Variants in AKAP13 observed in about 807,000 individuals in gnomAD.
AKAP13 encodes A-kinase anchoring protein 13.
A neutral mutation model predicts 264.5 loss-of-function variants in AKAP13; 80 were observed. The observed-to-expected ratio is 0.30, with a 90% CI of 0.25 to 0.36. AKAP13 has a LOEUF of 0.36. AKAP13 is among the 10% of genes least tolerant of loss of function. AKAP13 has a pLI of 1.00. For missense variants in AKAP13, 3,712 were observed against 3,435.2 expected (o/e 1.08, Z -2.01); for synonymous variants, 1,380 against 1,250.2 (o/e 1.10, Z -2.19).
chr15:85,744,539 C>T (rs2089308770), intron 36 of AKAP13, 89 bp from the exon 37 acceptor site: 1 of 1,391,868 alleles, frequency 7.2e-7, no homozygotes, highest in African/African-American at 1.4e-5. Context: ...CGCCTGTTTG[C>T]ATTACAGAAG....
At chr15:85,606,577 A>T (rs1340258426) in intron 8 of AKAP13, among the ~76,000 whole-genome samples, 1 of 152,206 alleles carries the variant, frequency 6.6e-6, no homozygotes, top group East Asian at 1.9e-4. Flanking sequence ...TAATTGATGG[A>T]TGAGTGCTAA....
chr15:85,583,098 A>G (rs1024818423), intron 7 of AKAP13: 13 of 985,474 alleles, frequency 1.3e-5, no homozygotes, highest in Admixed American at 6.1e-5. Context: ...GCACACTTCT[A>G]TACCACCACC....
intron 1 of AKAP13, among the ~76,000 whole-genome samples, chr15:85,480,489 AGACAAGTTAAGT>A (rs2075315313): frequency 6.6e-6 from 1 of 152,186 alleles, no homozygotes; most frequent in South Asian, 2.1e-4. Flanking sequence ...ATGAAGATTC[AGACAAGTTAAGT>A]GACTTGCTCA....
At chr15:85,442,468 A>G (rs1428013092) in intron 1 of AKAP13, among the ~76,000 whole-genome samples, 1 of 127,222 alleles carries the variant, frequency 7.9e-6, no homozygotes, top group Admixed American at 8.7e-5. Flanking sequence ...AATATACATA[A>G]TATATATTAT....
At chr15:85,638,132 C>T (rs2082149109) in intron 8 of AKAP13, among the ~76,000 whole-genome samples, 1 of 152,062 alleles carries the variant, frequency 6.6e-6, no homozygotes, top group Non-Finnish European at 1.5e-5. Context: ...GATCCGCCCG[C>T]CTCAGCCTCC....
At chr15:85,469,529 A>G (rs1409810695) in intron 1 of AKAP13, among the ~76,000 whole-genome samples, 1 of 152,220 alleles carries the variant, frequency 6.6e-6, no homozygotes, top group Non-Finnish European at 1.5e-5. Flanking sequence ...GCTCATCTGG[A>G]GTCATCATTT....
chr15:85,620,306 G>A, intron 8 of AKAP13: 1 of 786,602 alleles, frequency 1.3e-6, no homozygotes. Flanking sequence ...AGGATGAGGG[G>A]TGAATGTAAG....
intron 1 of AKAP13, among the ~76,000 whole-genome samples, chr15:85,391,350 A>G (rs998911931): frequency 1.3e-5 from 2 of 152,228 alleles, no homozygotes; most frequent in African/African-American, 4.8e-5. Context: ...ATGTGATGCT[A>G]GTGTATTATT....
At chr15:85,547,543 G>T (rs2077797782) in intron 5 of AKAP13, among the ~76,000 whole-genome samples, 1 of 134,370 alleles carries the variant, frequency 7.4e-6, no homozygotes. Flanking sequence ...AACTACTCAG[G>T]ACATTTTTTT....
intron 3 of AKAP13, among the ~76,000 whole-genome samples, chr15:85,531,353 A>T (rs926463644): frequency 2.0e-5 from 3 of 152,338 alleles, no homozygotes; most frequent in African/African-American, 7.2e-5. Context: ...TATGAACCGT[A>T]AATCTCTGGG....
In AKAP13 at chr15:85,533,834, G is replaced by T; in HGVS notation, c.432G>T (p.Lys144Asn). Residue 144 changes from lysine to asparagine, a missense_variant, in exon 4 of 37, where the codon AAG becomes AAT. By Grantham distance (94) the Lys-to-Asn change is moderately conservative. Transcript: ENST00000394518. ...TGGTGCTGGCATTCAGGCACCTGAA[G>T]CTGCCCACGGAGTGGAATGTATTGG... ...KKLVLAFRHL[K>N]LPTEWNVLGT... 4 of 1,613,208 alleles carry T rather than the reference G, an allele frequency of 2.5e-6. No individual in the cohort carries two copies. Among genetic ancestry groups the T allele is most frequent in the Non-Finnish European group, 3.4e-6 (4 of 1,179,506 alleles).
At chr15:85,415,731 C>G (rs1407840270) in intron 1 of AKAP13, 1 of 577,836 alleles carries the variant, frequency 1.7e-6, no homozygotes, top group African/African-American at 2.2e-5. Flanking sequence ...TTTTTTTTTT[C>G]ATTACTGTGT....
rs532255546 is a variant in AKAP13 at position 85,607,474 on chromosome 15, C to T, written c.4161+21651C>T. Among the ~76,000 whole-genome samples the T allele has an allele frequency of 1.1e-4, 16 of 151,710 alleles. No homozygotes were observed. In the South Asian group the frequency reaches 2.5e-3, roughly 24 times the overall value. On this transcript the variant is annotated intron_variant, in intron 8 of 36. Coordinates refer to ENST00000394518, the MANE Select transcript of AKAP13 (RefSeq NM_007200.5). ...TTATTGCTCACACCTTTTTTTTTAA[C>T]CATTTGCCTTTATTTTTATCCCCAT...
chr15:85,593,859 G>A (rs925735829), intron 8 of AKAP13, among the ~76,000 whole-genome samples: 1 of 152,082 alleles, frequency 6.6e-6, no homozygotes, highest in African/African-American at 2.4e-5. Context: ...GAAAGATTAT[G>A]GAGCCCAGTG....
intron 14 of AKAP13, among the ~76,000 whole-genome samples, chr15:85,670,487 A>G (rs924880423): frequency 1.3e-5 from 2 of 150,312 alleles, no homozygotes; most frequent in East Asian, 3.9e-4. Context: ...TATCCAAATC[A>G]GGAAATTAAT....
chr15:85,739,771 C>CT lies in AKAP13; in HGVS notation c.7558-444dup, dbSNP rs1268576486. Among the ~76,000 whole-genome samples the CT allele has an allele frequency of 3.3e-5, 5 of 151,970 alleles. No homozygotes were observed. The East Asian group carries it at 9.7e-4, about 29-fold the overall frequency. On this transcript the variant is annotated intron_variant, in intron 33 of 36. Transcript: ENST00000394518. ...CTTTAACATTTTCAGATATTTGAAC[C>CT]TTTTTTTGTGTGTGAGCTAAGATCT... is the stretch of plus-strand genomic sequence containing the variant.
chr15:85,739,412 A>G (rs1004554884), intron 33 of AKAP13, among the ~76,000 whole-genome samples: 7 of 152,124 alleles, frequency 4.6e-5, no homozygotes, highest in African/African-American at 1.7e-4. Flanking sequence ...GGCCATTTAT[A>G]TTTCTAATGT....
chr15:85,673,504 T>C (rs982278566), intron 14 of AKAP13, among the ~76,000 whole-genome samples: 9 of 152,170 alleles, frequency 5.9e-5, no homozygotes, highest in African/African-American at 2.2e-4. Context: ...CCATGGAATG[T>C]GTTCACAGCA....
intron 1 of AKAP13, among the ~76,000 whole-genome samples, chr15:85,401,435 T>C (rs149531363): frequency 1.3e-5 from 2 of 152,304 alleles, no homozygotes; most frequent in Non-Finnish European, 2.9e-5. Flanking sequence ...AGGACCTCTG[T>C]TTTGGAAATC....
Sources: gnomAD v4.1 joint callset for allele counts (sites outside exome capture counted in the v4.1 genomes callset) on GRCh38, gnomAD v4.1.1 for gene constraint, MANE v1.5 for transcripts, NCBI Gene and HGNC (gene_info 2026-07-23, HGNC 2026-07-21) for gene names.